The following LIMK2 variants were observed in gnomAD, a reference collection of about 807,000 sequenced individuals.
LIMK2 encodes LIM domain kinase 2.
Under a neutral mutation model 75.7 loss-of-function variants are expected in LIMK2, and 35 were observed. That is an observed-to-expected ratio of 0.46 (90% CI 0.35 to 0.61). The LOEUF (loss-of-function observed/expected upper bound fraction) is 0.61. Ranked by LOEUF, LIMK2 falls within the 20% of genes least tolerant of loss-of-function variation. The pLI is 0.00. For synonymous variants in LIMK2, 301 were observed against 319.2 expected, an observed-to-expected ratio of 0.94 and a Z score of 0.61; for missense variants, 623 against 831.0, an observed-to-expected ratio of 0.75 and a Z score of 3.08.
chr22:31,253,121 C>G (rs1440478717), intron 2 of LIMK2, among the ~76,000 whole-genome samples: 1 of 152,172 alleles, frequency 6.6e-6, no homozygotes, highest in Non-Finnish European at 1.5e-5. Context: ...TAGGCATAGC[C>G]TCAGCGTATG....
chr22:31,223,341 C>T (rs1035112042), intron 1 of LIMK2, among the ~76,000 whole-genome samples: 21 of 152,118 alleles, frequency 1.4e-4, no homozygotes, highest in South Asian at 6.2e-4. Flanking sequence ...TCTTGAATAT[C>T]CTCATGGTGG....
chr22:31,271,280 C>CACCTCTG, intron 12 of LIMK2, 79 bp downstream of exon 12: 1 of 1,268,560 alleles, frequency 7.9e-7, no homozygotes, highest in Non-Finnish European at 1.2e-6. Flanking sequence ...GCTGACTTGT[C>CACCTCTG]CCCTCTGGCT....
At chr22:31,228,138 C>T (rs1281626417) in intron 2 of LIMK2, among the ~76,000 whole-genome samples, 1 of 151,938 alleles carries the variant, frequency 6.6e-6, no homozygotes, top group Non-Finnish European at 1.5e-5. Context: ...ACAGGCAGGC[C>T]AGGCGTGGTG....
At chr22:31,273,243 T>C (rs569540408) in intron 13 of LIMK2, among the ~76,000 whole-genome samples, 9 of 152,242 alleles carry the variant, frequency 5.9e-5, no homozygotes, top group Non-Finnish European at 1.3e-4. Context: ...TCCTAGGCAG[T>C]GTTATGTTAT....
intron 2 of LIMK2, among the ~76,000 whole-genome samples, chr22:31,249,877 G>A (rs2048708251): frequency 6.6e-6 from 1 of 152,164 alleles, no homozygotes; most frequent in Non-Finnish European, 1.5e-5. Flanking sequence ...ACTCTACCAA[G>A]CGCCCTGCTA....
At position 31,278,329 on chromosome 22, in the gene LIMK2, A is replaced by C; in HGVS notation, c.1805A>C (p.Glu602Ala). 6.2e-7 allele frequency: 1 copy of C among 1,613,484 alleles called. No individual in the cohort carries two copies. The highest frequency in any genetic ancestry group is 8.5e-7 in the Non-Finnish European group (1 of 1,179,760). ...TTCTCGAAATTGGAGGACTCCTTTG[A>C]GGCCCTCTCCCTGTACCTGGGGGAG... is the stretch of plus-strand genomic sequence containing the variant. ...PAFSKLEDSF[E>A]ALSLYLGELG... The change falls in exon 16 of 16, where the codon GAG becomes GCG. Residue 602 changes from glutamate (E) to alanine (A), a missense_variant. Transcript: ENST00000331728.
intron 1 of LIMK2, among the ~76,000 whole-genome samples, chr22:31,215,862 A>C (rs946363230): frequency 6.6e-6 from 1 of 152,192 alleles, no homozygotes; most frequent in African/African-American, 2.4e-5. Context: ...GCGTATGATA[A>C]CATTATAGAA....
intron 15 of LIMK2, chr22:31,277,290 C>A (rs997187234): frequency 1.0e-5 from 15 of 1,471,936 alleles, no homozygotes; most frequent in Non-Finnish European, 1.3e-5. Context: ...TCTTCCCCTG[C>A]CCCCTCAGTT....
chr22:31,258,824 G>C, intron 3 of LIMK2: 2 of 425,094 alleles, frequency 4.7e-6, no homozygotes, highest in Non-Finnish European at 8.7e-6. Flanking sequence ...ACGACTTTAA[G>C]CATAGTGACA....
Position 31,278,526 on chromosome 22 carries a change from G to T in LIMK2, c.*85G>T. ...ATTCCTGCTGTGAGCAGGGCCGTCCGGGCTTCCTGTGGATTGGCGGAATGT... is the reference window on the plus strand; with the variant it reads ...ATTCCTGCTGTGAGCAGGGCCGTCCTGGCTTCCTGTGGATTGGCGGAATGT... On this transcript the variant is annotated 3_prime_UTR_variant, in exon 16 of 16. Coordinates refer to ENST00000331728, the MANE Select transcript of LIMK2 (RefSeq NM_005569.4). 7.1e-7 allele frequency: 1 copy of T among 1,414,922 alleles called. No homozygotes were observed. The highest frequency in any genetic ancestry group is 9.4e-7 in the Non-Finnish European group (1 of 1,064,992). The allele number at this position is 1,414,922 out of a possible 1,614,324, so 87.6% of individuals were successfully genotyped here.
intron 1 of LIMK2, among the ~76,000 whole-genome samples, chr22:31,215,336 C>T (rs368728761): frequency 2.0e-5 from 3 of 152,156 alleles, no homozygotes; most frequent in African/African-American, 4.8e-5. Context: ...CTCGTGTAAC[C>T]GGAGAATCGA....
At chr22:31,222,024 A>G (rs12166629) in intron 1 of LIMK2, among the ~76,000 whole-genome samples, 2 of 152,148 alleles carry the variant, frequency 1.3e-5, no homozygotes, top group African/African-American at 4.8e-5. Context: ...CATTATGCAG[A>G]AAGTGGGAAG....
At chr22:31,259,014 G>A (rs764177115) in intron 3 of LIMK2, 107 bp from the exon 4 acceptor site, 7 of 657,946 alleles carry the variant, frequency 1.1e-5, no homozygotes, top group Non-Finnish European at 2.0e-5. Flanking sequence ...GGATTTTGAC[G>A]GGGGCCTTGC....
At chr22:31,243,606 C>T (rs1258014364) in intron 2 of LIMK2, among the ~76,000 whole-genome samples, 1 of 152,176 alleles carries the variant, frequency 6.6e-6, no homozygotes, top group East Asian at 1.9e-4. Context: ...TCAGTTTGTT[C>T]AGCTCCGTGC....
intron 2 of LIMK2, among the ~76,000 whole-genome samples, chr22:31,254,631 T>C (rs1441157122): frequency 6.6e-6 from 1 of 152,174 alleles, no homozygotes; most frequent in Non-Finnish European, 1.5e-5. Flanking sequence ...CAGCCCTCTG[T>C]TGGGCACCCC....
chr22:31,259,832 TGG>T, intron 4 of LIMK2, 55 bp from the exon 5 acceptor site: 1 of 1,491,550 alleles, frequency 6.7e-7, no homozygotes, highest in South Asian at 1.2e-5. Flanking sequence ...CAGTGGTTGC[TGG>T]GGGGCTTCTG....
At chr22:31,254,757 G>A (rs979561361) in intron 2 of LIMK2, among the ~76,000 whole-genome samples, 3 of 152,106 alleles carry the variant, frequency 2.0e-5, no homozygotes, top group African/African-American at 7.2e-5. Context: ...TCGGGAGTTC[G>A]AGACCAGCCT....
chr22:31,249,324 G>T (rs1337412457), intron 2 of LIMK2, among the ~76,000 whole-genome samples: 1 of 152,186 alleles, frequency 6.6e-6, no homozygotes, highest in Non-Finnish European at 1.5e-5. Flanking sequence ...GGTGAATGTA[G>T]TTGCTGGGGA....
At chr22:31,265,836 A>G in intron 7 of LIMK2, 110 bp from the exon 8 acceptor site, 1 of 833,066 alleles carries the variant, frequency 1.2e-6, no homozygotes, top group Non-Finnish European at 1.9e-6. Flanking sequence ...AATAACATCT[A>G]AACTATAGAC....
Sources: allele counts gnomAD v4.1 joint callset (sites outside exome capture counted in the v4.1 genomes callset), GRCh38; gene constraint gnomAD v4.1.1; transcripts MANE v1.5; gene names NCBI Gene and HGNC (gene_info 2026-07-23, HGNC 2026-07-21).